The following EEFSEC variants were observed in gnomAD, a reference collection of about 807,000 sequenced individuals.
EEFSEC encodes the protein eukaryotic elongation factor, selenocysteine-tRNA specific.
A neutral mutation model predicts 42.1 loss-of-function variants in EEFSEC; 43 were observed. The ratio of observed to expected loss-of-function variants is 1.02; its 90% CI spans 0.80 to 1.32. The LOEUF is 1.32. Among genes scored for constraint, EEFSEC ranks in the 40% most tolerant of loss-of-function variants. EEFSEC has a pLI of 0.00. For missense variants in EEFSEC, 745 were observed against 803.6 expected, an observed-to-expected ratio of 0.93 and a Z score of 0.88; for synonymous variants, 354 against 339.1, an observed-to-expected ratio of 1.04 and a Z score of -0.48.
Position 128,408,194 on chromosome 3 carries a change from G to T in EEFSEC, c.1726G>T (p.Val576Leu). 1.9e-6 allele frequency: 3 copies of T among 1,612,366 alleles called. No homozygotes were observed. Among genetic ancestry groups the T allele is most frequent in the Non-Finnish European group, 2.5e-6 (3 of 1,179,066 alleles). ...GCGGAGCGAGCCCTCACAGCATGTG[G>T]TGCTCAGCCTGACTTTCAAGCGTTA... is the stretch of plus-strand genomic sequence containing the variant. ...AERSEPSQHV[V>L]LSLTFKRYVF... The change falls in exon 7 of 7, where the codon GTG (valine) becomes TTG (leucine). Residue 576 changes from valine to leucine, a missense_variant. By Grantham distance (32) the Val-to-Leu change is conservative. Coordinates refer to ENST00000254730, the MANE Select transcript of EEFSEC (RefSeq NM_021937.5).
chr3:128,354,424 A>C (rs1233284798), intron 5 of EEFSEC, among the ~76,000 whole-genome samples: 1 of 152,154 alleles, frequency 6.6e-6, no homozygotes, highest in Non-Finnish European at 1.5e-5. Context: ...CGGATGCTTA[A>C]AACAATTTTG....
chr3:128,162,580 A>G (rs541292712), intron 1 of EEFSEC, among the ~76,000 whole-genome samples: 1 of 152,300 alleles, frequency 6.6e-6, no homozygotes, highest in East Asian at 1.9e-4. Flanking sequence ...ACAGTGTGGG[A>G]GTAGCGCAAC....
chr3:128,360,337 A>G (rs764713458), intron 6 of EEFSEC, among the ~76,000 whole-genome samples: 1 of 152,210 alleles, frequency 6.6e-6, no homozygotes, highest in African/African-American at 2.4e-5. Context: ...TCAGTCCCCA[A>G]GGGCCTCGTG....
intron 1 of EEFSEC, chr3:128,154,058 TAAAAAA>T (rs376181797): frequency 1.0e-5 from 3 of 289,434 alleles, no homozygotes; most frequent in Admixed American, 6.1e-5. Flanking sequence ...GCGCCTTCCT[TAAAAAA>T]AAAAAAAAAA....
chr3:128,201,836 G>A (rs937344773), intron 1 of EEFSEC, among the ~76,000 whole-genome samples: 5 of 152,186 alleles, frequency 3.3e-5, no homozygotes, highest in Non-Finnish European at 4.4e-5. Context: ...TGACATTAGC[G>A]TTTGCATTTA....
chr3:128,333,162 C>A (rs1448011610), intron 4 of EEFSEC, among the ~76,000 whole-genome samples: 1 of 152,212 alleles, frequency 6.6e-6, no homozygotes, highest in African/African-American at 2.4e-5. Flanking sequence ...ATTAGTGGAA[C>A]AAAATGGATA....
chr3:128,161,118 A>G (rs1431844599), intron 1 of EEFSEC, among the ~76,000 whole-genome samples: 1 of 152,210 alleles, frequency 6.6e-6, no homozygotes, highest in Non-Finnish European at 1.5e-5. Flanking sequence ...TGCACAGCCC[A>G]TACGCTGGCA....
Position 128,250,529 on chromosome 3 carries a change from G to A in EEFSEC, c.524+3486G>A, listed in dbSNP as rs1415718387. 2.1e-4 allele frequency among the ~76,000 whole-genome samples: 32 copies of A among 151,980 alleles called. 1 individual carries two copies. The highest frequency in any genetic ancestry group is 2.0e-3 in the Admixed American group (31 of 15,268). On this transcript the variant is annotated intron_variant, in intron 2 of 6. Transcript: ENST00000254730. ...GATTGTCTTTTCCCCTTTTAACTTT[G>A]TAAAAAATCGATTGACCATATATGT...
intron 1 of EEFSEC, among the ~76,000 whole-genome samples, chr3:128,214,288 C>G (rs1191185679): frequency 2.6e-5 from 4 of 152,204 alleles, no homozygotes; most frequent in Non-Finnish European, 5.9e-5. Flanking sequence ...CAGCTGGCAG[C>G]AGTGAGGCGA....
intron 6 of EEFSEC, 102 bp from the exon 7 acceptor site, chr3:128,407,967 G>A (rs1322054224): frequency 7.0e-6 from 8 of 1,142,236 alleles, no homozygotes; most frequent in Non-Finnish European, 6.1e-6. Flanking sequence ...GGCTAGGGAG[G>A]GAGGCAGAAG....
At chr3:128,355,824 G>A (rs1254977254) in intron 5 of EEFSEC, among the ~76,000 whole-genome samples, 1 of 152,214 alleles carries the variant, frequency 6.6e-6, no homozygotes, top group Admixed American at 6.5e-5. Flanking sequence ...AAACAGATAA[G>A]GTCAAAGGCA....
At chr3:128,329,080 A>G (rs1377619903) in intron 4 of EEFSEC, among the ~76,000 whole-genome samples, 2 of 151,560 alleles carry the variant, frequency 1.3e-5, no homozygotes, top group Non-Finnish European at 2.9e-5. Context: ...CTTCTTCCCT[A>G]TTTCTTCTTA....
chr3:128,206,853 T>C (rs565616022), intron 1 of EEFSEC, among the ~76,000 whole-genome samples: 1 of 152,262 alleles, frequency 6.6e-6, no homozygotes, highest in South Asian at 2.1e-4. Flanking sequence ...TTCTCACGGC[T>C]GGCCCGGAGA....
chr3:128,328,543 T>C lies in EEFSEC; in HGVS notation c.787-12690T>C, dbSNP rs144862292. 5.5e-3 allele frequency among the ~76,000 whole-genome samples: 834 copies of C among 152,352 alleles called. 10 individuals carry two copies. The highest frequency in any genetic ancestry group is 0.019 in the African/African-American group (785 of 41,572). ...ACAATGGAATGTCATAAAGCTCTTG[T>C]AGTTTCTTGTCTGTAAGGCTAAAGT... On this transcript the variant is annotated intron_variant, in intron 4 of 6. Coordinates refer to ENST00000254730, the MANE Select transcript of EEFSEC (RefSeq NM_021937.5).
intron 1 of EEFSEC, among the ~76,000 whole-genome samples, chr3:128,156,864 C>T (rs912179288): frequency 1.3e-5 from 2 of 152,182 alleles, no homozygotes; most frequent in African/African-American, 4.8e-5. Flanking sequence ...AGCTAATAGC[C>T]TTTATGCGTT....
chr3:128,228,544 T>G (rs539322940), intron 1 of EEFSEC, among the ~76,000 whole-genome samples: 2 of 152,130 alleles, frequency 1.3e-5, no homozygotes, highest in East Asian at 1.9e-4. Context: ...CACACTGGCC[T>G]TCTTGTTCCT....
At chr3:128,183,973 C>T (rs1271659514) in intron 1 of EEFSEC, among the ~76,000 whole-genome samples, 3 of 152,202 alleles carry the variant, frequency 2.0e-5, no homozygotes, top group Non-Finnish European at 4.4e-5. Context: ...CCAGCAGGAA[C>T]AGCAGTGCAG....
At chr3:128,351,969 C>T (rs981855453) in intron 5 of EEFSEC, among the ~76,000 whole-genome samples, 15 of 152,216 alleles carry the variant, frequency 9.9e-5, no homozygotes, top group African/African-American at 1.7e-4. Context: ...TTTGGTTTGA[C>T]GTCACAATGA....
chr3:128,161,876 A>G (rs114846372), intron 1 of EEFSEC, among the ~76,000 whole-genome samples: 1,944 of 152,236 alleles, frequency 0.013, 53 homozygotes, highest in African/African-American at 0.044. Context: ...ATCTGCACAT[A>G]TCCCCGGAAA....
Sources: gnomAD v4.1 joint callset for allele counts (sites outside exome capture counted in the v4.1 genomes callset) on GRCh38, gnomAD v4.1.1 for gene constraint, MANE v1.5 for transcripts, NCBI Gene and HGNC (gene_info 2026-07-23, HGNC 2026-07-21) for gene names.